UBE2E2: variants seen among roughly 807,000 people sequenced by gnomAD.
UBE2E2 encodes ubiquitin-conjugating enzyme E2 E2.
In UBE2E2, 6 loss-of-function variants were observed where a neutral mutation model predicts 24.7. The ratio of observed to expected loss-of-function variants is 0.24; its 90% confidence interval spans 0.13 to 0.48. The LOEUF (loss-of-function observed/expected upper bound fraction) is 0.48. Among genes scored for constraint, UBE2E2 ranks in the 20% least tolerant of loss-of-function variants. UBE2E2 has a pLI of 0.99. For missense variants in UBE2E2, 169 were observed against 245.0 expected (o/e 0.69, Z 2.07); for synonymous variants, 104 against 83.6 (o/e 1.24, Z -1.33).
In UBE2E2 at chr3:23,253,318, T is replaced by C. The variant is rs181082883; in HGVS notation, c.227+36006T>C. On this transcript the variant is annotated intron_variant, in intron 3 of 5. Coordinates refer to ENST00000396703, the MANE Select transcript of UBE2E2 (RefSeq NM_152653.4). ...TATTCACAGTGAGACAGGCAGAGAATGACAAACCAGTAAAAATACCCATGA... is the reference window on the plus strand; with the variant it reads ...TATTCACAGTGAGACAGGCAGAGAACGACAAACCAGTAAAAATACCCATGA... 1.0e-3 allele frequency among the ~76,000 whole-genome samples: 153 copies of C among 152,276 alleles called. 2 individuals carry two copies. The highest frequency in any genetic ancestry group is 3.5e-3 in the African/African-American group (147 of 41,544).
chr3:23,308,005 G>T (rs4858496), intron 3 of UBE2E2, among the ~76,000 whole-genome samples: 2 of 151,888 alleles, frequency 1.3e-5, no homozygotes, highest in Non-Finnish European at 2.9e-5. Flanking sequence ...TAGGGAAACA[G>T]GTTTCAAGAA....
At chr3:23,470,035 T>A (rs1228581264) in intron 3 of UBE2E2, among the ~76,000 whole-genome samples, 2 of 152,228 alleles carry the variant, frequency 1.3e-5, no homozygotes, top group African/African-American at 4.8e-5. Flanking sequence ...AAGCTGGTTA[T>A]CTGTCTGGCA....
At chr3:23,210,510 A>G (rs1453836773) in intron 2 of UBE2E2, among the ~76,000 whole-genome samples, 1 of 152,232 alleles carries the variant, frequency 6.6e-6, no homozygotes, top group Admixed American at 6.5e-5. Context: ...TTATGTGTGA[A>G]CATGAGTTTT....
intron 3 of UBE2E2, among the ~76,000 whole-genome samples, chr3:23,497,464 T>C (rs1035686468): frequency 2.0e-5 from 3 of 152,132 alleles, no homozygotes; most frequent in African/African-American, 7.2e-5. Context: ...CAACAGGAGG[T>C]GGCTACAAAA....
In UBE2E2 at chr3:23,258,096, A is replaced by G. The variant is rs565318403; in HGVS notation, c.227+40784A>G. Reference sequence around the variant, plus strand: ...TAATAATGGTGGTTAAGCCTAGCATAGGAATGGGATTGGAATGCTAGCAGG... The same window carrying G: ...TAATAATGGTGGTTAAGCCTAGCATGGGAATGGGATTGGAATGCTAGCAGG... On this transcript the variant is annotated intron_variant, in intron 3 of 5. Transcript: ENST00000396703. Among the ~76,000 whole-genome samples the G allele has an allele frequency of 3.3e-5, 5 of 152,360 alleles. No individual in the cohort carries two copies. In the South Asian group the frequency reaches 1.0e-3, roughly 32 times the overall value.
intron 3 of UBE2E2, among the ~76,000 whole-genome samples, chr3:23,418,795 G>A (rs972504310): frequency 5.3e-5 from 8 of 152,186 alleles, no homozygotes; most frequent in African/African-American, 1.9e-4. Context: ...GATGATTACA[G>A]CAGTAATGAC....
chr3:23,347,475 T>C (rs1171974344), intron 3 of UBE2E2, among the ~76,000 whole-genome samples: 6 of 152,116 alleles, frequency 3.9e-5, no homozygotes, highest in Admixed American at 1.3e-4. Context: ...ACACCACATG[T>C]TCTCACTTAT....
rs374830007 is a variant in UBE2E2 at position 23,422,583 on chromosome 3, C to G, written c.228-77025C>G. On this transcript the variant is annotated intron_variant, in intron 3 of 5. Transcript: ENST00000396703. ...GATGCTGTCTTCTGAGTCCTCAGCC[C>G]TATGTTGGAACAAAGAAAAAGGCTT... is the stretch of plus-strand genomic sequence containing the variant. Among the ~76,000 whole-genome samples the G allele has an allele frequency of 4.6e-5, 7 of 152,294 alleles. No individual in the cohort carries two copies. The South Asian group carries it at 1.5e-3, about 32-fold the overall frequency.
At chr3:23,360,940 A>C (rs1246685133) in intron 3 of UBE2E2, among the ~76,000 whole-genome samples, 1 of 152,148 alleles carries the variant, frequency 6.6e-6, no homozygotes, top group Non-Finnish European at 1.5e-5. Flanking sequence ...GCATTTGATA[A>C]AGGACTAAAA....
At chr3:23,238,465 C>T (rs1697175787) in intron 3 of UBE2E2, among the ~76,000 whole-genome samples, 1 of 152,120 alleles carries the variant, frequency 6.6e-6, no homozygotes, top group Admixed American at 6.6e-5. Flanking sequence ...CCTGTGGTAG[C>T]AGTTAAAAGG....
intron 5 of UBE2E2, among the ~76,000 whole-genome samples, chr3:23,587,831 A>G (rs1696662208): frequency 6.6e-6 from 1 of 152,252 alleles, no homozygotes; most frequent in Admixed American, 6.5e-5. Flanking sequence ...ATCTGAGAAA[A>G]TGAAGAAGAA....
At chr3:23,451,251 G>A (rs540619347) in intron 3 of UBE2E2, among the ~76,000 whole-genome samples, 2 of 152,034 alleles carry the variant, frequency 1.3e-5, no homozygotes, top group Admixed American at 6.6e-5. Flanking sequence ...TTGAAAAATT[G>A]CTCATGTCAA....
chr3:23,577,953 C>CT (rs1349051976), intron 5 of UBE2E2, among the ~76,000 whole-genome samples: 7 of 146,504 alleles, frequency 4.8e-5, no homozygotes, highest in African/African-American at 1.8e-4. Flanking sequence ...GACAGCACAT[C>CT]TTTTTTAATA....
chr3:23,279,906 A>G (rs911066513), intron 3 of UBE2E2, among the ~76,000 whole-genome samples: 1 of 152,170 alleles, frequency 6.6e-6, no homozygotes, highest in African/African-American at 2.4e-5. Context: ...ATTTTCTCTG[A>G]GGGTCTCATC....
chr3:23,392,034 T>C (rs1696948854), intron 3 of UBE2E2, among the ~76,000 whole-genome samples: 1 of 152,122 alleles, frequency 6.6e-6, no homozygotes, highest in Non-Finnish European at 1.5e-5. Context: ...CTGGCTTACA[T>C]ATATGTAAGT....
chr3:23,248,167 T>C (rs185689052), intron 3 of UBE2E2, among the ~76,000 whole-genome samples: 6 of 152,358 alleles, frequency 3.9e-5, no homozygotes, highest in Admixed American at 2.6e-4. Flanking sequence ...AGTGTCCTGA[T>C]GTACTTCAGC....
At chr3:23,477,914 C>G (rs749035996) in intron 3 of UBE2E2, among the ~76,000 whole-genome samples, 6 of 152,144 alleles carry the variant, frequency 3.9e-5, no homozygotes. Context: ...CGCTTTTCCC[C>G]CTTTGCTCCT....
chr3:23,310,246 G>A (rs1425998437), intron 3 of UBE2E2, among the ~76,000 whole-genome samples: 1 of 150,232 alleles, frequency 6.7e-6, no homozygotes, highest in Non-Finnish European at 1.5e-5. Flanking sequence ...TACCAATTAA[G>A]TACCAAAATG....
intron 4 of UBE2E2, among the ~76,000 whole-genome samples, chr3:23,502,738 T>C (rs1699750836): frequency 6.6e-6 from 1 of 152,228 alleles, no homozygotes; most frequent in Admixed American, 6.5e-5. Context: ...GTATTCTAGT[T>C]TTAAATAGGT....
Sources: allele counts gnomAD v4.1 joint callset (sites outside exome capture counted in the v4.1 genomes callset), GRCh38; gene constraint gnomAD v4.1.1; transcripts MANE v1.5; gene names NCBI Gene and HGNC (gene_info 2026-07-23, HGNC 2026-07-21).